Variants in IGDCC3 observed in about 807,000 individuals in gnomAD.
IGDCC3 encodes immunoglobulin superfamily DCC subclass member 3, also known as putative neuronal cell adhesion molecule.
A neutral mutation model predicts 72.0 loss-of-function variants in IGDCC3; 47 were observed. That is an observed-to-expected ratio of 0.65 (90% CI 0.52 to 0.83). The LOEUF (loss-of-function observed/expected upper bound fraction) is 0.83. Among genes scored for constraint, IGDCC3 ranks in the 40% least tolerant of loss-of-function variants. The pLI is 0.00. For missense variants in IGDCC3, 1,038 were observed against 1,091.3 expected, an observed-to-expected ratio of 0.95 and a Z score of 0.69; for synonymous variants, 477 against 472.8, an observed-to-expected ratio of 1.01 and a Z score of -0.11.
chr15:65,341,626 A>C (rs942783631), intron 2 of IGDCC3, among the ~76,000 whole-genome samples: 12 of 152,356 alleles, frequency 7.9e-5, no homozygotes, highest in Admixed American at 7.2e-4. Context: ...ACAAAAAGAC[A>C]CTGTAGAATT....
chr15:65,329,241 C>G lies in IGDCC3; in HGVS notation c.2206-93G>C. On this transcript the variant is annotated intron_variant, in intron 13 of 13. Transcript: ENST00000327987. This position sits in a 1 kb window ranked among gnomAD's most constrained non-coding sequence, Gnocchi z 4.1. Reference sequence around the variant, plus strand: ...CTTGGGCCTTAGGGTCTCCAGGTCTCCCTGCCTGACTCAGGGACACAAAGA... The same window carrying G: ...CTTGGGCCTTAGGGTCTCCAGGTCTGCCTGCCTGACTCAGGGACACAAAGA... 7 of 1,509,524 alleles carry G rather than the reference C, an allele frequency of 4.6e-6. No homozygotes were observed. The highest frequency in any genetic ancestry group is 6.2e-6 in the Non-Finnish European group (7 of 1,129,060). 93.5% of individuals were successfully genotyped at this position (1,509,524 alleles called of 1,614,324 possible).
chr15:65,356,694 G>A (rs1284762938), intron 2 of IGDCC3, among the ~76,000 whole-genome samples: 1 of 135,060 alleles, frequency 7.4e-6, no homozygotes, highest in African/African-American at 2.8e-5. Flanking sequence ...AAAGGCGAGG[G>A]TTGGGGGGGT....
chr15:65,364,752 G>A (rs1191782290), intron 2 of IGDCC3, among the ~76,000 whole-genome samples: 1 of 152,084 alleles, frequency 6.6e-6, no homozygotes, highest in African/African-American at 2.4e-5. Context: ...GTGGTATTGT[G>A]TGCTTGTAGT....
Position 65,333,384 on chromosome 15 carries a change from C to A in IGDCC3, c.855G>T (p.Gln285His). The A allele has an allele frequency of 6.2e-7, 1 of 1,609,746 alleles. No individual in the cohort carries two copies. The highest frequency in any genetic ancestry group is 1.1e-5 in the South Asian group (1 of 90,412). ...TGATGAGGTTTCCTGTGCCCAGCACCTGGATGCCCTCCACCCCGATAGGGC... is the reference window on the plus strand; with the variant it reads ...TGATGAGGTTTCCTGTGCCCAGCACATGGATGCCCTCCACCCCGATAGGGC... Reference protein sequence around the residue: ...DGRPIGVEGIQVLGTGNLIIS... With the variant: ...DGRPIGVEGIHVLGTGNLIIS... The change falls in exon 6 of 14, where the codon CAG becomes CAT. Residue 285 changes from glutamine to histidine, a missense_variant. By Grantham distance (24) the Gln-to-His change is conservative. Coordinates refer to ENST00000327987, the MANE Select transcript of IGDCC3 (RefSeq NM_004884.4).
chr15:65,345,481 T>C (rs553436414), intron 2 of IGDCC3, among the ~76,000 whole-genome samples: 2 of 151,764 alleles, frequency 1.3e-5, no homozygotes, highest in South Asian at 2.1e-4. Context: ...TTGAGTCCAA[T>C]AGGTTGAGGC....
At chr15:65,373,557 T>C (rs2091340411) in intron 2 of IGDCC3, 1 of 152,640 alleles carries the variant, frequency 6.6e-6, no homozygotes, top group Admixed American at 6.5e-5. Context: ...ACTGTGCAAA[T>C]GCCCTCAGAG....
chr15:65,369,495 T>C (rs746896667), intron 2 of IGDCC3, among the ~76,000 whole-genome samples: 4 of 152,122 alleles, frequency 2.6e-5, no homozygotes, highest in Non-Finnish European at 5.9e-5. Flanking sequence ...ACCTATGAGC[T>C]GAGGCTGGGT....
At chr15:65,354,973 T>G (rs1195027916) in intron 2 of IGDCC3, among the ~76,000 whole-genome samples, 1 of 152,176 alleles carries the variant, frequency 6.6e-6, no homozygotes, top group Non-Finnish European at 1.5e-5. Flanking sequence ...AATCGGTGTG[T>G]CTACTAAAGC....
At chr15:65,365,168 G>GGAGACC (rs1458285985) in intron 2 of IGDCC3, among the ~76,000 whole-genome samples, 11 of 152,136 alleles carry the variant, frequency 7.2e-5, no homozygotes, top group Admixed American at 1.3e-4. Context: ...AATCCTACCA[G>GGAGACC]GAGACCGGGA....
chr15:65,366,842 A>C (rs1057416959), intron 2 of IGDCC3, among the ~76,000 whole-genome samples: 1 of 88,386 alleles, frequency 1.1e-5, no homozygotes, highest in African/African-American at 5.5e-5. Context: ...TCGTGAGTCC[A>C]GGTGCCCACA....
At chr15:65,334,986 G>C in intron 4 of IGDCC3, 121 bp from the exon 5 acceptor site, 1 of 1,195,734 alleles carries the variant, frequency 8.4e-7, no homozygotes, top group Non-Finnish European at 1.1e-6. Context: ...CAGGTCCTGT[G>C]GGCAGAGAGA....
chr15:65,368,111 C>T (rs1480222563), intron 2 of IGDCC3, among the ~76,000 whole-genome samples: 1 of 151,152 alleles, frequency 6.6e-6, no homozygotes, highest in Non-Finnish European at 1.5e-5. Flanking sequence ...TTATTGAAAG[C>T]TATGGAGAAC....
intron 2 of IGDCC3, among the ~76,000 whole-genome samples, chr15:65,367,884 T>G (rs752818224): frequency 5.9e-5 from 9 of 152,050 alleles, no homozygotes; most frequent in Non-Finnish European, 1.0e-4. Context: ...CACACACCTG[T>G]ATGCTCAGAC....
intron 2 of IGDCC3, among the ~76,000 whole-genome samples, chr15:65,357,869 T>C (rs962422295): frequency 6.6e-6 from 1 of 152,198 alleles, no homozygotes; most frequent in Non-Finnish European, 1.5e-5. Flanking sequence ...CTACTCCCTG[T>C]TAGACCTATC....
chr15:65,333,375 G>A lies in IGDCC3; in HGVS notation c.864C>T (p.Gly288=). ...CGTCTGAGATGATGAGGTTTCCTGTGCCCAGCACCTGGATGCCCTCCACCC... is the reference window on the plus strand; with the variant it reads ...CGTCTGAGATGATGAGGTTTCCTGTACCCAGCACCTGGATGCCCTCCACCC... ...PIGVEGIQVL[G]TGNLIISDVT... is the part of the protein sequence containing the mutation. The change falls in exon 6 of 14, where the codon GGC becomes GGT. Residue 288 remains glycine (G), a synonymous_variant. Transcript: ENST00000327987. 6.2e-7 allele frequency: 1 copy of A among 1,610,626 alleles called. No homozygotes were observed. Among genetic ancestry groups the A allele is most frequent in the Non-Finnish European group, 8.5e-7 (1 of 1,178,378 alleles).
chr15:65,332,567 A>G (rs2090987412), intron 6 of IGDCC3, among the ~76,000 whole-genome samples: 1 of 152,196 alleles, frequency 6.6e-6, no homozygotes, highest in Non-Finnish European at 1.5e-5. Context: ...AAAACCGGGA[A>G]ATGAAATGCT....
rs1352135195 is a variant in IGDCC3, at chr15:65,327,570, A to AAAT, written c.*1336_*1338dup. 6.6e-6 allele frequency: 1 copy of AAAT among 152,426 alleles called. No homozygotes were observed. Among genetic ancestry groups the AAAT allele is most frequent in the Non-Finnish European group, 1.5e-5 (1 of 68,044 alleles). The allele number at this position is 152,426 out of a possible 1,614,324, so 9.4% of individuals were successfully genotyped here. On this transcript the variant is annotated 3_prime_UTR_variant, in exon 14 of 14. Coordinates refer to ENST00000327987, the MANE Select transcript of IGDCC3 (RefSeq NM_004884.4). The stretch of plus-strand genomic sequence containing the variant: ...AAAAAATGTTTCTGAGTATAACCAA[A>AAAT]AATAGGTATTTGTTTCCTTGGTTTT...
chr15:65,372,331 A>T (rs2091331076), intron 2 of IGDCC3, among the ~76,000 whole-genome samples: 1 of 152,092 alleles, frequency 6.6e-6, no homozygotes, highest in African/African-American at 2.4e-5. Context: ...CAGCCCCCAA[A>T]CTACAAGCAC....
Position 65,335,377 on chromosome 15 carries a change from C to T in IGDCC3, c.599G>A (p.Arg200Gln), listed in dbSNP as rs563379417. ...PKGVLQITGL[R>Q]AEDGGIFHCV... ...GTGGAAGATGCCACCGTCCTCAGCT[C>T]GAAGTCCTGTGATCTGCAGGACCCC... The change falls in exon 4 of 14, where the codon CGA becomes CAA. Residue 200 changes from arginine (R) to glutamine (Q), a missense_variant. By Grantham distance (43) the Arg-to-Gln change is conservative. Transcript: ENST00000327987. The T allele has an allele frequency of 2.4e-5, 38 of 1,613,760 alleles. No individual in the cohort carries two copies. Among genetic ancestry groups the T allele is most frequent in the Admixed American group, 3.3e-5 (2 of 59,976 alleles).
Sources: gnomAD v4.1 joint callset for allele counts (sites outside exome capture counted in the v4.1 genomes callset) on GRCh38, gnomAD v4.1.1 for gene constraint, Gnocchi (gnomAD v3.1) non-coding constraint, MANE v1.5 for transcripts, NCBI Gene and HGNC (gene_info 2026-07-23, HGNC 2026-07-21) for gene names.